The following CMIP variants were observed in gnomAD, a reference collection of about 807,000 sequenced individuals.
CMIP encodes c-Maf inducing protein.
In CMIP, 13 loss-of-function variants were observed where a neutral mutation model predicts 97.3. The ratio of observed to expected loss-of-function variants is 0.13; its 90% confidence interval spans 0.09 to 0.21. The LOEUF is 0.21. CMIP is among the 10% of genes least tolerant of loss of function. CMIP has a pLI of 1.00. For synonymous variants in CMIP, 538 were observed against 436.3 expected (o/e 1.23, Z -2.91); for missense variants, 847 against 1,024.9 (o/e 0.83, Z 2.37).
chr16:81,445,138 C>CG lies in CMIP; in HGVS notation c.-98dup. On this transcript the variant is annotated 5_prime_UTR_variant, in exon 1 of 21. Transcript: ENST00000537098. The stretch of plus-strand genomic sequence containing the variant: ...CCAGCCCCACACCCCCCCACCTTCC[C>CG]GGGGGGTGGGGGGGTGCGGGCCGCC... 1.7e-6 allele frequency: 1 copy of CG among 587,272 alleles called. No homozygotes were observed. The highest frequency in any genetic ancestry group is 2.6e-6 in the Non-Finnish European group (1 of 385,308). 36.4% of individuals were successfully genotyped at this position (587,272 alleles called of 1,614,324 possible).
At chr16:81,541,211 C>T (rs763498672) in intron 1 of CMIP, among the ~76,000 whole-genome samples, 3 of 152,060 alleles carry the variant, frequency 2.0e-5, no homozygotes, top group Non-Finnish European at 2.9e-5. Flanking sequence ...GGGTTTTTTC[C>T]TTTATATTTA....
intron 10 of CMIP, 123 bp downstream of exon 10, chr16:81,678,751 G>C: frequency 1.7e-6 from 1 of 604,860 alleles, no homozygotes; most frequent in Non-Finnish European, 2.9e-6. Context: ...AGTGGCTTGT[G>C]TGTGAGTGCA....
At chr16:81,636,537 C>T (rs982453087) in intron 3 of CMIP, among the ~76,000 whole-genome samples, 7 of 147,952 alleles carry the variant, frequency 4.7e-5, no homozygotes, top group Admixed American at 6.8e-5. Context: ...GCCAAGATTG[C>T]GCCACTGCAT....
intron 10 of CMIP, among the ~76,000 whole-genome samples, chr16:81,687,309 G>A (rs1004629960): frequency 1.3e-5 from 2 of 152,192 alleles, no homozygotes; most frequent in Non-Finnish European, 2.9e-5. Context: ...CAGAAGCTGG[G>A]GAACACCAGG....
rs572715681 is a variant in CMIP at position 81,635,927 on chromosome 16, A to G, written c.477+15001A>G. Among the ~76,000 whole-genome samples the G allele has an allele frequency of 2.1e-4, 32 of 151,952 alleles. No individual in the cohort carries two copies. In the South Asian group the frequency reaches 6.5e-3, roughly 31 times the overall value. ...GACCCCGATATATAACATAGTCTCAAATTTTCGGGGTTTACATGGTGAGCA... is the reference window on the plus strand; with the variant it reads ...GACCCCGATATATAACATAGTCTCAGATTTTCGGGGTTTACATGGTGAGCA... On this transcript the variant is annotated intron_variant, in intron 3 of 20. Coordinates refer to ENST00000537098, the MANE Select transcript of CMIP (RefSeq NM_198390.3).
intron 3 of CMIP, among the ~76,000 whole-genome samples, chr16:81,633,001 G>A (rs544610708): frequency 6.6e-6 from 1 of 152,332 alleles, no homozygotes; most frequent in East Asian, 1.9e-4. Flanking sequence ...AAGGAAGGGG[G>A]GACCCGAGCG....
At chr16:81,551,741 A>G (rs909828471) in intron 1 of CMIP, among the ~76,000 whole-genome samples, 2 of 152,204 alleles carry the variant, frequency 1.3e-5, no homozygotes, top group Non-Finnish European at 2.9e-5. Context: ...GGGACATCAT[A>G]GGGGTCTGTG....
intron 3 of CMIP, among the ~76,000 whole-genome samples, chr16:81,624,408 G>A (rs2092032320): frequency 6.6e-6 from 1 of 151,444 alleles, no homozygotes; most frequent in Non-Finnish European, 1.5e-5. Flanking sequence ...TGTGGCTGCG[G>A]TGCACATACT....
chr16:81,444,889 C>G lies in CMIP; in HGVS notation c.-353C>G, dbSNP rs1353535014. Among the ~76,000 whole-genome samples the G allele has an allele frequency of 1.4e-5, 2 of 139,418 alleles. No individual in the cohort carries two copies. The highest frequency in any genetic ancestry group is 3.2e-5 in the Non-Finnish European group (2 of 62,948). 91.5% of individuals were successfully genotyped at this position (139,418 alleles called of 152,430 possible). ...CGGGGCCCCGAGACACGCCCGCCCC[C>G]ACCCCGCCGCCCCCACCCCGGCGCC... On this transcript the variant is annotated 5_prime_UTR_variant, in exon 1 of 21. Transcript: ENST00000537098.
At chr16:81,686,004 C>T (rs925377463) in intron 10 of CMIP, among the ~76,000 whole-genome samples, 1 of 152,180 alleles carries the variant, frequency 6.6e-6, no homozygotes, top group Non-Finnish European at 1.5e-5. Context: ...CTCTCACCAG[C>T]TGTGTGGCCT....
intron 1 of CMIP, among the ~76,000 whole-genome samples, chr16:81,479,227 G>T (rs770694055): frequency 1.3e-5 from 2 of 152,134 alleles, no homozygotes; most frequent in Admixed American, 6.5e-5. Context: ...GAAGTTGCTC[G>T]CCTGGAAAAA....
chr16:81,704,031 C>G lies in CMIP; in HGVS notation c.2037C>G (p.Ala679=), dbSNP rs754635499. Residue 679 remains alanine (A), a synonymous_variant, in exon 18 of 21, where the codon GCC becomes GCG. Coordinates refer to ENST00000537098, the MANE Select transcript of CMIP (RefSeq NM_198390.3). ...TCACCAATGTAACCAGTGCCTGCGC[C>G]GAGCACCTCATCAAACTGCCTTCGC... ...LAFTNVTSAC[A]EHLIKLPSLK... The G allele has an allele frequency of 2.5e-6, 4 of 1,605,828 alleles. No individual in the cohort carries two copies. The highest frequency in any genetic ancestry group is 3.4e-6 in the Non-Finnish European group (4 of 1,176,762).
At chr16:81,521,400 G>C (rs762049377) in intron 1 of CMIP, among the ~76,000 whole-genome samples, 2 of 151,476 alleles carry the variant, frequency 1.3e-5, no homozygotes, top group African/African-American at 4.9e-5. Context: ...TAGCAAACAC[G>C]AGCTGCCCCC....
intron 3 of CMIP, among the ~76,000 whole-genome samples, chr16:81,639,441 T>G (rs2092277511): frequency 6.6e-6 from 1 of 152,164 alleles, no homozygotes; most frequent in Non-Finnish European, 1.5e-5. Context: ...CATCCACCAT[T>G]CTGCTTTCGG....
intron 6 of CMIP, among the ~76,000 whole-genome samples, chr16:81,661,392 G>A (rs1394295948): frequency 6.6e-6 from 1 of 152,290 alleles, no homozygotes; most frequent in Non-Finnish European, 1.5e-5. Context: ...CGGGCACCCG[G>A]CGCCAGCCTT....
At chr16:81,552,781 C>T (rs926501617) in intron 1 of CMIP, among the ~76,000 whole-genome samples, 2 of 152,200 alleles carry the variant, frequency 1.3e-5, no homozygotes, top group Non-Finnish European at 2.9e-5. Context: ...CAGGGGCCAT[C>T]CTTAGTGGGA....
At position 81,652,361 on chromosome 16, in the gene CMIP, A is replaced by G; in HGVS notation, c.636A>G (p.Ser212=). 1 of 1,612,920 alleles carries G rather than the reference A, an allele frequency of 6.2e-7. No individual in the cohort carries two copies. The highest frequency in any genetic ancestry group is 8.5e-7 in the Non-Finnish European group (1 of 1,179,566). ...TGGAAATCGTCTCGAAACTGCTCTC[A>G]GAGGTAAAACCCCTCCCCTGGACCC... ...APLEIVSKLL[S]ENTNLTTQEH... is the part of the protein sequence containing the mutation. The change falls in exon 4 of 21, where the codon TCA becomes TCG. Residue 212 remains serine (S), a synonymous_variant. Transcript: ENST00000537098. This position sits in a 1 kb window ranked among gnomAD's most constrained non-coding sequence, Gnocchi z 5.2.
chr16:81,614,879 A>G lies in CMIP; in HGVS notation c.427-5997A>G, dbSNP rs1356717105. Among the ~76,000 whole-genome samples, 1 of 141,104 alleles carries G rather than the reference A, an allele frequency of 7.1e-6. No homozygotes were observed. The highest frequency in any genetic ancestry group is 2.7e-5 in the African/African-American group (1 of 37,106). 92.6% of individuals were successfully genotyped at this position (141,104 alleles called of 152,430 possible). On this transcript the variant is annotated intron_variant, in intron 2 of 20. Transcript: ENST00000537098. This position sits in a 1 kb window ranked among gnomAD's most constrained non-coding sequence, Gnocchi z 5.3. ...CTCTGTGTGTGCATGTGTGTGTGGT[A>G]TGTGCATGTGTGTGTGTCCTGTGTC...
intron 1 of CMIP, among the ~76,000 whole-genome samples, chr16:81,449,679 C>T (rs866412420): frequency 1.3e-5 from 2 of 151,398 alleles, no homozygotes; most frequent in Non-Finnish European, 2.9e-5. Flanking sequence ...TCCCCCCCCC[C>T]CTTTCCATGC....
Sources: gnomAD v4.1 joint callset for allele counts (sites outside exome capture counted in the v4.1 genomes callset) on GRCh38, gnomAD v4.1.1 for gene constraint, Gnocchi (gnomAD v3.1) non-coding constraint, MANE v1.5 for transcripts, NCBI Gene and HGNC (gene_info 2026-07-23, HGNC 2026-07-21) for gene names.